Variants in XRCC1 observed in about 807,000 individuals in gnomAD.
The protein encoded by XRCC1 is X-ray repair cross complementing 1, also known as DNA repair protein XRCC1.
A neutral mutation model predicts 83.3 loss-of-function variants in XRCC1; 52 were observed. The observed-to-expected ratio is 0.62, with a 90% CI of 0.50 to 0.79. The LOEUF (loss-of-function observed/expected upper bound fraction) is 0.79. Among genes scored for constraint, XRCC1 ranks in the 30% least tolerant of loss-of-function variants. The pLI is 0.00. For synonymous variants in XRCC1, 281 were observed against 312.6 expected (o/e 0.90, Z 1.07); for missense variants, 793 against 823.5 (o/e 0.96, Z 0.45).
At position 43,543,341 on chromosome 19, in the gene XRCC1, C is replaced by CGTGTGTGTGTGTGTGT. The variant is rs45592142; in HGVS notation, c.*35_*50dup. The CGTGTGTGTGTGTGTGT allele has an allele frequency of 2.1e-4, 220 of 1,044,514 alleles. No homozygotes were observed. In the African/African-American group the frequency reaches 2.4e-3, roughly 11 times the overall value. The allele number at this position is 1,044,514 out of a possible 1,614,324, so 64.7% of individuals were successfully genotyped here. On this transcript the variant is annotated 3_prime_UTR_variant, in exon 17 of 17. Coordinates refer to ENST00000262887, the MANE Select transcript of XRCC1 (RefSeq NM_006297.3). ...ACCAACTCATCTTTATTAAATGCATCGTGTGTGTGTGTGTGTGTGTGTGTG... is the reference window on the plus strand; with the variant it reads ...ACCAACTCATCTTTATTAAATGCATCGTGTGTGTGTGTGTGTGTGTGTGTGTGTGTGTGTGTGTGTG...
Position 43,543,817 on chromosome 19 carries a change from C to G in XRCC1, c.1713-130G>C. ...TGCGCCTCTAGGTTGCCTCTAGGCT[C>G]CATTCTTTCATGTATCCATCTTGCC... On this transcript the variant is annotated intron_variant, in intron 15 of 16. Transcript: ENST00000262887. The G allele has an allele frequency of 3.8e-6, 3 of 786,402 alleles. No individual in the cohort carries two copies. In the South Asian group the frequency reaches 5.2e-5, roughly 14 times the overall value. 48.7% of individuals were successfully genotyped at this position (786,402 alleles called of 1,614,324 possible).
At chr19:43,571,369 G>A (rs3213267) in intron 2 of XRCC1, among the ~76,000 whole-genome samples, 1 of 152,110 alleles carries the variant, frequency 6.6e-6, no homozygotes, top group African/African-American at 2.4e-5. Context: ...AAAAATCCTT[G>A]CCACTGCTCC....
chr19:43,561,330 C>T (rs1414165469), intron 2 of XRCC1, among the ~76,000 whole-genome samples: 1 of 152,342 alleles, frequency 6.6e-6, no homozygotes, highest in South Asian at 2.1e-4. Flanking sequence ...TTGATAAGCA[C>T]TTGCCAGAGT....
intron 2 of XRCC1, among the ~76,000 whole-genome samples, chr19:43,563,519 CAAT>C (rs1002871015): frequency 3.9e-5 from 6 of 152,026 alleles, no homozygotes; most frequent in East Asian, 1.9e-4. Context: ...ACAAAAACAA[CAAT>C]AACAAGAAGT....
At chr19:43,560,249 A>T (rs1676069920) in intron 3 of XRCC1, among the ~76,000 whole-genome samples, 1 of 151,588 alleles carries the variant, frequency 6.6e-6, no homozygotes, top group African/African-American at 2.4e-5. Context: ...AAAAAAAGTT[A>T]GCCGGGCGTG....
intron 2 of XRCC1, among the ~76,000 whole-genome samples, chr19:43,562,125 G>A (rs1165740327): frequency 1.5e-5 from 2 of 130,792 alleles, no homozygotes; most frequent in African/African-American, 5.9e-5. Flanking sequence ...CAGCCTGGGT[G>A]ACAGAGCGAG....
intron 2 of XRCC1, among the ~76,000 whole-genome samples, chr19:43,566,405 C>A (rs1415074774): frequency 6.6e-6 from 1 of 150,814 alleles, no homozygotes; most frequent in Non-Finnish European, 1.5e-5. Flanking sequence ...TGGTGGCAGG[C>A]GCCTGTAATC....
At chr19:43,547,761 A>G (rs769271005) in intron 10 of XRCC1, among the ~76,000 whole-genome samples, 23 of 151,972 alleles carry the variant, frequency 1.5e-4, no homozygotes, top group Non-Finnish European at 2.4e-4. Flanking sequence ...CAGCCTCCCA[A>G]AGTGCTGGGA....
rs1192386278 is a variant in XRCC1, at chr19:43,553,591, G to A, written c.489+18C>T. ...AGAGGCAGGGAGAAGGCCATGGGGA[G>A]TGACAGGTACAGCTTACCTGGGACG... On this transcript the variant is annotated intron_variant, in intron 5 of 16. Coordinates refer to ENST00000262887, the MANE Select transcript of XRCC1 (RefSeq NM_006297.3). 6 of 1,611,064 alleles carry A rather than the reference G, an allele frequency of 3.7e-6. No homozygotes were observed. The East Asian group carries it at 1.3e-4, about 36-fold the overall frequency.
chr19:43,557,143 C>T (rs759640720), intron 3 of XRCC1, among the ~76,000 whole-genome samples: 1 of 151,626 alleles, frequency 6.6e-6, no homozygotes, highest in Non-Finnish European at 1.5e-5. Context: ...CCCATCTCTA[C>T]TAAAAATACA....
At chr19:43,561,054 T>C (rs1270335084) in intron 2 of XRCC1, 34 bp from the exon 3 acceptor site, 11 of 1,544,896 alleles carry the variant, frequency 7.1e-6, no homozygotes, top group Non-Finnish European at 8.1e-6. Context: ...TGTCAGTGCC[T>C]GCTCTGCCTC....
At chr19:43,544,288 A>G (rs1972486586) in intron 14 of XRCC1, 54 bp from the exon 15 acceptor site, 2 of 1,498,766 alleles carry the variant, frequency 1.3e-6, no homozygotes, top group Admixed American at 3.9e-5. Context: ...GTTCCCAGGC[A>G]CCAAACAGGA....
chr19:43,554,907 G>A (rs1451325371), intron 3 of XRCC1, 103 bp from the exon 4 acceptor site: 2 of 1,313,256 alleles, frequency 1.5e-6, no homozygotes, highest in Non-Finnish European at 2.1e-6. Flanking sequence ...CAGGGGACTG[G>A]GAGTCACTAG....
chr19:43,573,025 TG>T (rs1313507409), intron 2 of XRCC1, among the ~76,000 whole-genome samples: 1 of 148,302 alleles, frequency 6.7e-6, no homozygotes, highest in Admixed American at 6.9e-5. Context: ...TTCAACCTTA[TG>T]GGCTCAATCA....
intron 12 of XRCC1, 41 bp downstream of exon 12, chr19:43,546,554 C>T (rs757409494): frequency 6.3e-7 from 1 of 1,578,028 alleles, no homozygotes; most frequent in East Asian, 2.3e-5. Context: ...CCCTCAGACT[C>T]AGGAGCCCAG....
At chr19:43,551,473 C>T (rs1972573338) in intron 10 of XRCC1, 98 bp downstream of exon 10, 2 of 1,077,470 alleles carry the variant, frequency 1.9e-6, no homozygotes, top group Middle Eastern at 2.0e-4. Context: ...CTGGGACCAC[C>T]TGTGTTCTCC....
chr19:43,546,349 C>T (rs1400186172), intron 12 of XRCC1, among the ~76,000 whole-genome samples: 1 of 150,582 alleles, frequency 6.6e-6, no homozygotes, highest in Non-Finnish European at 1.5e-5. Context: ...AGTCCAGCCC[C>T]CAGCCCCTCC....
chr19:43,552,284 G>A lies in XRCC1; in HGVS notation c.824-9C>T. On this transcript the variant is annotated splice_polypyrimidine_tract_variant and intron_variant, in intron 8 of 16. Transcript: ENST00000262887. Reference sequence around the variant, plus strand: ...ACGAGTTGGAGCTGGCACTGGAGAAGACAAAGAGTAGATTAGGTTAGCACC... The same window carrying A: ...ACGAGTTGGAGCTGGCACTGGAGAAAACAAAGAGTAGATTAGGTTAGCACC... The A allele has an allele frequency of 6.3e-7, 1 of 1,580,492 alleles. No individual in the cohort carries two copies. The highest frequency in any genetic ancestry group is 1.3e-5 in the African/African-American group (1 of 74,078).
chr19:43,556,761 C>T (rs1481485829), intron 3 of XRCC1, among the ~76,000 whole-genome samples: 1 of 151,332 alleles, frequency 6.6e-6, no homozygotes, highest in Non-Finnish European at 1.5e-5. Flanking sequence ...GCTGAGATCG[C>T]ACCATTGCAC....
Sources: allele counts gnomAD v4.1 joint callset (sites outside exome capture counted in the v4.1 genomes callset), GRCh38; gene constraint gnomAD v4.1.1; transcripts MANE v1.5; gene names NCBI Gene and HGNC (gene_info 2026-07-23, HGNC 2026-07-21).